BTBD9: variants seen among roughly 807,000 people sequenced by gnomAD.
BTBD9 encodes BTB domain containing 9.
Under a neutral mutation model 64.3 loss-of-function variants are expected in BTBD9, and 49 were observed. The observed-to-expected ratio is 0.76, with a 90% confidence interval of 0.61 to 0.97. The LOEUF (loss-of-function observed/expected upper bound fraction) is 0.97, where lower values mean the gene tolerates loss of function less well. Ranked by LOEUF, BTBD9 falls within the 50% of genes least tolerant of loss-of-function variation. The pLI is 0.00. For synonymous variants in BTBD9, 260 were observed against 274.7 expected, an observed-to-expected ratio of 0.95 and a Z score of 0.53; for missense variants, 598 against 762.1, an observed-to-expected ratio of 0.78 and a Z score of 2.53.
At chr6:38,242,262 T>C (rs938074980) in intron 9 of BTBD9, among the ~76,000 whole-genome samples, 2 of 152,216 alleles carry the variant, frequency 1.3e-5, no homozygotes, top group Non-Finnish European at 2.9e-5. Context: ...AGGCTCAAAA[T>C]GCATCTTTTC....
intron 6 of BTBD9, among the ~76,000 whole-genome samples, chr6:38,551,711 G>C (rs1774808795): frequency 6.6e-6 from 1 of 152,168 alleles, no homozygotes; most frequent in South Asian, 2.1e-4. Flanking sequence ...CTGTGCTATG[G>C]ATCTTGGGTT....
At position 38,592,718 on chromosome 6, in the gene BTBD9, A is replaced by C; in HGVS notation, c.672T>G (p.Ala224=). The stretch of plus-strand genomic sequence containing the variant: ...TGAGGCTCATGAGAGGTAAACGCAC[A>C]GCCTGCATGATTTCAGCATGATTCT... ...SKENHAEIMQ[A]VRLPLMSLTE... is the part of the protein sequence containing the mutation. The change falls in exon 4 of 11, where the codon GCT becomes GCG. Residue 224 remains alanine (A), a synonymous_variant. Transcript: ENST00000481247. The C allele has an allele frequency of 6.2e-7, 1 of 1,614,236 alleles. No individual in the cohort carries two copies. The highest frequency in any genetic ancestry group is 1.3e-5 in the African/African-American group (1 of 75,062).
chr6:38,268,993 T>C (rs1051169087), intron 8 of BTBD9, among the ~76,000 whole-genome samples: 10 of 152,232 alleles, frequency 6.6e-5, no homozygotes, highest in African/African-American at 9.7e-5. Flanking sequence ...ATGGACTTCT[T>C]TCATGAAATA....
Position 38,422,962 on chromosome 6 carries a change from T to C in BTBD9, c.1155-77869A>G, listed in dbSNP as rs1582404707. Among the ~76,000 whole-genome samples the C allele has an allele frequency of 2.0e-5, 3 of 152,164 alleles. No individual in the cohort carries two copies. The South Asian group carries it at 6.2e-4, about 32-fold the overall frequency. ...TACATAGTGAGACCTCATCTCTATT[T>C]AAATATATATTTTTTAAATAGATTA... On this transcript the variant is annotated intron_variant, in intron 6 of 10. Transcript: ENST00000481247.
intron 7 of BTBD9, among the ~76,000 whole-genome samples, chr6:38,336,815 C>A (rs1291180686): frequency 6.6e-6 from 1 of 152,164 alleles, no homozygotes; most frequent in Non-Finnish European, 1.5e-5. Context: ...TGAGTTGTCA[C>A]CTTCTGTTTA....
rs76494263 is a variant in BTBD9 at position 38,469,214 on chromosome 6, C to T, written c.1154+108386G>A. On this transcript the variant is annotated intron_variant, in intron 6 of 10. Coordinates refer to ENST00000481247, the MANE Select transcript of BTBD9 (RefSeq NM_001099272.2). Reference sequence around the variant, plus strand: ...GACTTTCAATAGTGCTTTTATATCCCTCAGCTCCAAATAAAAGTGTCTAGG... The same window carrying T: ...GACTTTCAATAGTGCTTTTATATCCTTCAGCTCCAAATAAAAGTGTCTAGG... Among the ~76,000 whole-genome samples the T allele has an allele frequency of 4.7e-3, 713 of 152,190 alleles. 6 individuals are homozygous for T. The highest frequency in any genetic ancestry group is 0.014 in the African/African-American group (577 of 41,538).
At chr6:38,590,262 A>T (rs1379955407) in intron 4 of BTBD9, among the ~76,000 whole-genome samples, 13 of 152,224 alleles carry the variant, frequency 8.5e-5, no homozygotes, top group Non-Finnish European at 1.3e-4. Flanking sequence ...AGAAAAAAAA[A>T]CACATCATAA....
intron 9 of BTBD9, among the ~76,000 whole-genome samples, chr6:38,203,477 G>C (rs1762532960): frequency 6.6e-6 from 1 of 152,134 alleles, no homozygotes; most frequent in South Asian, 2.1e-4. Context: ...ATTCACAATA[G>C]CAAAGAGATG....
intron 6 of BTBD9, among the ~76,000 whole-genome samples, chr6:38,359,814 G>A (rs1764880078): frequency 6.6e-6 from 1 of 152,120 alleles, no homozygotes. Context: ...GGGGATAGAA[G>A]GTTAAGCTTT....
intron 6 of BTBD9, among the ~76,000 whole-genome samples, chr6:38,567,843 G>GA (rs1272188025): frequency 6.6e-6 from 1 of 151,330 alleles, no homozygotes; most frequent in African/African-American, 2.4e-5. Flanking sequence ...ATTTCCTGTG[G>GA]AAAAAAAATA....
chr6:38,549,762 T>A (rs984900486), intron 6 of BTBD9, among the ~76,000 whole-genome samples: 1 of 152,120 alleles, frequency 6.6e-6, no homozygotes, highest in Admixed American at 6.6e-5. Flanking sequence ...CTGTTCCCAG[T>A]CCCTCTCTCC....
chr6:38,575,437 G>C (rs1338909790), intron 6 of BTBD9, among the ~76,000 whole-genome samples: 3 of 152,242 alleles, frequency 2.0e-5, no homozygotes, highest in Admixed American at 6.5e-5. Flanking sequence ...ACATACAAAC[G>C]TGCAAATTAA....
At chr6:38,258,523 A>G (rs986182309) in intron 8 of BTBD9, among the ~76,000 whole-genome samples, 1 of 152,194 alleles carries the variant, frequency 6.6e-6, no homozygotes, top group Admixed American at 6.5e-5. Context: ...GATTTTTTCT[A>G]TACCATTCAC....
At chr6:38,288,205 T>C (rs1250233082) in intron 8 of BTBD9, 67 bp downstream of exon 8, 4 of 1,456,842 alleles carry the variant, frequency 2.7e-6, no homozygotes, top group Non-Finnish European at 3.8e-6. Context: ...ATTATCATTT[T>C]ACCAAAATAC....
At chr6:38,500,131 G>A (rs989446693) in intron 6 of BTBD9, among the ~76,000 whole-genome samples, 1 of 152,066 alleles carries the variant, frequency 6.6e-6, no homozygotes, top group Admixed American at 6.6e-5. Flanking sequence ...ATAGAAAGGT[G>A]TCAAAGAAAG....
At chr6:38,280,526 G>A (rs1761470451) in intron 8 of BTBD9, among the ~76,000 whole-genome samples, 1 of 152,190 alleles carries the variant, frequency 6.6e-6, no homozygotes, top group Non-Finnish European at 1.5e-5. Flanking sequence ...AGCCAGAAGA[G>A]TCATATATTT....
chr6:38,592,212 G>A lies in BTBD9; in HGVS notation c.814+364C>T, dbSNP rs1248131361. Among the ~76,000 whole-genome samples, 3 of 151,718 alleles carry A rather than the reference G, an allele frequency of 2.0e-5. No homozygotes were observed. In the East Asian group the frequency reaches 5.8e-4, roughly 29 times the overall value. On this transcript the variant is annotated intron_variant, in intron 4 of 10. Transcript: ENST00000481247. ...AAAAAAAAAGAATCTCCATGTTCATGGTACCCAAAATAATAAGTACATAGA... is the reference window on the plus strand; with the variant it reads ...AAAAAAAAAGAATCTCCATGTTCATAGTACCCAAAATAATAAGTACATAGA...
intron 7 of BTBD9, among the ~76,000 whole-genome samples, chr6:38,301,210 C>T (rs200854081): frequency 6.6e-5 from 10 of 152,100 alleles, no homozygotes; most frequent in African/African-American, 2.2e-4. Flanking sequence ...GGGATGAAGC[C>T]CACTTGATCA....
intron 6 of BTBD9, among the ~76,000 whole-genome samples, chr6:38,490,599 T>C (rs1324460227): frequency 6.6e-6 from 1 of 152,044 alleles, no homozygotes; most frequent in African/African-American, 2.4e-5. Flanking sequence ...GGATTACAGG[T>C]GTGAGTCACT....
Sources: allele counts gnomAD v4.1 joint callset (sites outside exome capture counted in the v4.1 genomes callset), GRCh38; gene constraint gnomAD v4.1.1; transcripts MANE v1.5; gene names NCBI Gene and HGNC (gene_info 2026-07-23, HGNC 2026-07-21).